Variants in EIF5A2 observed in about 807,000 individuals in gnomAD.
EIF5A2 encodes eukaryotic translation initiation factor 5A-2.
EIF5A2 carries 15 observed loss-of-function variants against 16.4 expected under a neutral mutation model. The observed-to-expected ratio is 0.92, with a 90% CI of 0.61 to 1.41. The LOEUF is 1.41. Ranked by LOEUF, EIF5A2 falls within the 40% of genes most tolerant of loss-of-function variation. EIF5A2 has a pLI of 0.00. For synonymous variants in EIF5A2, 48 were observed against 61.1 expected (o/e 0.79, Z 1.00); for missense variants, 144 against 189.5 (o/e 0.76, Z 1.41).
chr3:170,904,860 C>T (rs891761657), intron 3 of EIF5A2, among the ~76,000 whole-genome samples: 2 of 152,148 alleles, frequency 1.3e-5, no homozygotes, highest in East Asian at 1.9e-4. Context: ...TCCCATGAGG[C>T]GTTATTATTT....
rs1277533265 is a variant in EIF5A2, at chr3:170,907,814, A to C, written c.-8T>G. The C allele has an allele frequency of 2.6e-6, 4 of 1,526,302 alleles. No homozygotes were observed. The African/African-American group carries it at 5.5e-5, about 21-fold the overall frequency. 94.5% of individuals were successfully genotyped at this position (1,526,302 alleles called of 1,614,324 possible). A position where few individuals can be genotyped will look rare whatever the true frequency, so the allele number is the denominator to read the frequency against. On this transcript the variant is annotated 5_prime_UTR_variant, in exon 2 of 5. Coordinates refer to ENST00000295822, the MANE Select transcript of EIF5A2 (RefSeq NM_020390.6). The stretch of plus-strand genomic sequence containing the variant: ...ATCAATTTCGTCTGCCATGGTGGGC[A>C]GGGGAGATGGTAGTTTTTCCGTGGG...
chr3:170,908,602 G>C lies in EIF5A2; in HGVS notation c.-95C>G, dbSNP rs981345636. On this transcript the variant is annotated 5_prime_UTR_variant, in exon 1 of 5. Transcript: ENST00000295822. ...ACCCGCGCTGGTCCCCTACAGCAGC[G>C]GCGCCGGCAGCGGCGGTGGCGGCCG... The C allele has an allele frequency of 1.3e-5, 2 of 152,842 alleles. No homozygotes were observed. The highest frequency in any genetic ancestry group is 2.9e-5 in the Non-Finnish European group (2 of 68,526). The allele number at this position is 152,842 out of a possible 1,614,324, so 9.5% of individuals were successfully genotyped here.
chr3:170,905,141 G>A (rs901919958), intron 3 of EIF5A2, among the ~76,000 whole-genome samples: 2 of 152,188 alleles, frequency 1.3e-5, no homozygotes, highest in African/African-American at 4.8e-5. Flanking sequence ...TAAAAAATTA[G>A]AATTAATGCA....
In EIF5A2 at chr3:170,889,262, G is replaced by A. The variant is rs1031717415; in HGVS notation, c.*4098C>T. 2.0e-5 allele frequency: 3 copies of A among 152,272 alleles called. No individual in the cohort carries two copies. Among genetic ancestry groups the A allele is most frequent in the Non-Finnish European group, 4.4e-5 (3 of 67,898 alleles). The allele number at this position is 152,272 out of a possible 1,614,324, so 9.4% of individuals were successfully genotyped here. On this transcript the variant is annotated 3_prime_UTR_variant, in exon 5 of 5. Coordinates refer to ENST00000295822, the MANE Select transcript of EIF5A2 (RefSeq NM_020390.6). The stretch of plus-strand genomic sequence containing the variant: ...TTGACCTCACTTGGTAGCTAAGTTG[G>A]TGTTCAGATGTTTGTTTAATGGAAA...
intron 3 of EIF5A2, among the ~76,000 whole-genome samples, chr3:170,902,158 C>T (rs954673939): frequency 2.0e-5 from 3 of 152,202 alleles, no homozygotes; most frequent in Admixed American, 2.0e-4. Flanking sequence ...TCTTACCACA[C>T]TGACACTTCT....
intron 3 of EIF5A2, among the ~76,000 whole-genome samples, chr3:170,900,432 C>T (rs1182455400): frequency 6.6e-6 from 1 of 151,036 alleles, no homozygotes; most frequent in African/African-American, 2.4e-5. Flanking sequence ...TTCTAGGGCT[C>T]CTTGCATAAT....
intron 3 of EIF5A2, among the ~76,000 whole-genome samples, chr3:170,904,959 A>G (rs1471926646): frequency 6.6e-6 from 1 of 152,208 alleles, no homozygotes; most frequent in Non-Finnish European, 1.5e-5. Flanking sequence ...GTGCCAAAGT[A>G]AGACTAGGAC....
chr3:170,903,507 T>C (rs1712861707), intron 3 of EIF5A2, among the ~76,000 whole-genome samples: 1 of 152,202 alleles, frequency 6.6e-6, no homozygotes, highest in African/African-American at 2.4e-5. Context: ...GTCTAGGAAC[T>C]AAAGTTAGTG....
chr3:170,902,795 C>T (rs1005579368), intron 3 of EIF5A2, among the ~76,000 whole-genome samples: 8 of 151,810 alleles, frequency 5.3e-5, no homozygotes, highest in African/African-American at 9.7e-5. Flanking sequence ...TTATTAGAGA[C>T]GGGGTTTCAC....
chr3:170,907,724 T>C lies in EIF5A2; in HGVS notation c.83A>G (p.Asn28Ser). 1 of 1,610,264 alleles carries C rather than the reference T, an allele frequency of 6.2e-7. No individual in the cohort carries two copies. The highest frequency in any genetic ancestry group is 8.5e-7 in the Non-Finnish European group (1 of 1,177,078). Residue 28 changes from asparagine (N) to serine (S), a missense_variant, in exon 2 of 5, where the codon AAC becomes AGC. Physicochemically the swap from Asn to Ser is conservative, Grantham distance 46 (BLOSUM62 1). Coordinates refer to ENST00000295822, the MANE Select transcript of EIF5A2 (RefSeq NM_020390.6). ...YPMQCSALRK[N>S]GFVVLKGRPC... is the part of the protein sequence containing the mutation. The stretch of plus-strand genomic sequence containing the variant: ...TCGTCCTTTGAGCACCACGAAGCCG[T>C]TTTTGCGCAAGGCCGAGCACTGCAT...
chr3:170,904,910 G>A (rs1338247863), intron 3 of EIF5A2, among the ~76,000 whole-genome samples: 2 of 152,156 alleles, frequency 1.3e-5, no homozygotes, highest in Admixed American at 1.3e-4. Context: ...AAGCAAAACA[G>A]GTTAAGTAAC....
chr3:170,900,060 T>A (rs558184871), intron 3 of EIF5A2, among the ~76,000 whole-genome samples: 1 of 151,832 alleles, frequency 6.6e-6, no homozygotes, highest in Non-Finnish European at 1.5e-5. Context: ...GTATATAAGG[T>A]TATAAGGCTA....
chr3:170,890,471 C>T lies in EIF5A2; in HGVS notation c.*2889G>A, dbSNP rs1344045952. 1.3e-5 allele frequency: 2 copies of T among 152,088 alleles called. No homozygotes were observed. The highest frequency in any genetic ancestry group is 1.3e-4 in the Admixed American group (2 of 15,276). 9.4% of individuals were successfully genotyped at this position (152,088 alleles called of 1,614,324 possible). The stretch of plus-strand genomic sequence containing the variant: ...TCAAGAGCTTGGTTAGCAACAGTTT[C>T]TTCAAGTGACTGAGCCCCTGGAAGG... On this transcript the variant is annotated 3_prime_UTR_variant, in exon 5 of 5. Coordinates refer to ENST00000295822, the MANE Select transcript of EIF5A2 (RefSeq NM_020390.6).
chr3:170,888,641 T>C lies in EIF5A2; in HGVS notation c.*4719A>G, dbSNP rs1712444319. 6.6e-6 allele frequency: 1 copy of C among 152,618 alleles called. No homozygotes were observed. Among genetic ancestry groups the C allele is most frequent in the East Asian group, 1.9e-4 (1 of 5,190 alleles). 9.5% of individuals were successfully genotyped at this position (152,618 alleles called of 1,614,324 possible). A position where few individuals can be genotyped will look rare whatever the true frequency, so the allele number is the denominator to read the frequency against. On this transcript the variant is annotated 3_prime_UTR_variant, in exon 5 of 5. Transcript: ENST00000295822. ...GAATTTTAAAGTTTTAGCGAAAACA[T>C]TTGAGTTTCTGCAGGTAAAAGCAAT...
At position 170,907,777 on chromosome 3, in the gene EIF5A2, T is replaced by G. The variant is rs2108297422; in HGVS notation, c.30A>C (p.Gly10=). ...GGTAAGTGCTGGAAGCCCCGGCATC[T>G]CCAGTAGTGAAATCAATTTCGTCTG... MADEIDFTT[G]DAGASSTYPM... Residue 10 remains glycine (G), a synonymous_variant, in exon 2 of 5, where the codon GGA becomes GGC. Coordinates refer to ENST00000295822, the MANE Select transcript of EIF5A2 (RefSeq NM_020390.6). 6.4e-7 allele frequency: 1 copy of G among 1,564,864 alleles called. No individual in the cohort carries two copies. Among genetic ancestry groups the G allele is most frequent in the East Asian group, 2.3e-5 (1 of 43,734 alleles).
In EIF5A2 at chr3:170,894,324, C is replaced by CT. The variant is rs767029778; in HGVS notation, c.369dup (p.Glu124ArgfsTer8). 6.2e-7 allele frequency: 1 copy of CT among 1,613,976 alleles called. No individual in the cohort carries two copies. Among genetic ancestry groups the CT allele is most frequent in the Non-Finnish European group, 8.5e-7 (1 of 1,179,928 alleles). On this transcript the variant is annotated frameshift_variant, in exon 4 of 5. Transcript: ENST00000295822. LOFTEE classifies it high-confidence loss of function. The stretch of plus-strand genomic sequence containing the variant: ...TCTTCACCTGCATTGTATTTTCCCT[C>CT]TATTTCTTTGCCTAGTTCACCTTCT...
Position 170,892,569 on chromosome 3 carries a change from A to G in EIF5A2, c.*791T>C. On this transcript the variant is annotated 3_prime_UTR_variant, in exon 5 of 5. Coordinates refer to ENST00000295822, the MANE Select transcript of EIF5A2 (RefSeq NM_020390.6). Reference sequence around the variant, plus strand: ...CCCTTTAAACGTTGGGGGCAAAGTTAAAAGCAAAAACAACTGAGAAACAAC... The same window carrying G: ...CCCTTTAAACGTTGGGGGCAAAGTTGAAAGCAAAAACAACTGAGAAACAAC... 2.5e-6 allele frequency: 1 copy of G among 393,464 alleles called. No homozygotes were observed. Among genetic ancestry groups the G allele is most frequent in the East Asian group, 3.6e-5 (1 of 27,744 alleles). 24.4% of individuals were successfully genotyped at this position (393,464 alleles called of 1,614,324 possible). A position where few individuals can be genotyped will look rare whatever the true frequency, so the allele number is the denominator to read the frequency against.
Position 170,889,279 on chromosome 3 carries a change from T to G in EIF5A2, c.*4081A>C, listed in dbSNP as rs1712469070. On this transcript the variant is annotated 3_prime_UTR_variant, in exon 5 of 5. Transcript: ENST00000295822. ...CTAAGTTGGTGTTCAGATGTTTGTT[T>G]AATGGAAAAACATTAAATTACATAT... 1 of 152,448 alleles carries G rather than the reference T, an allele frequency of 6.6e-6. No homozygotes were observed. Among genetic ancestry groups the G allele is most frequent in the Admixed American group, 6.6e-5 (1 of 15,252 alleles). 9.4% of individuals were successfully genotyped at this position (152,448 alleles called of 1,614,324 possible).
chr3:170,898,350 C>T (rs1712724290), intron 3 of EIF5A2, among the ~76,000 whole-genome samples: 1 of 152,134 alleles, frequency 6.6e-6, no homozygotes, highest in African/African-American at 2.4e-5. Context: ...GTGTCCTCAC[C>T]CAAATCTCAT....
Sources: allele counts gnomAD v4.1 joint callset (sites outside exome capture counted in the v4.1 genomes callset), GRCh38; gene constraint gnomAD v4.1.1; transcripts MANE v1.5; gene names NCBI Gene and HGNC (gene_info 2026-07-23, HGNC 2026-07-21).